Variants in DENND5A observed in about 807,000 individuals in gnomAD.
DENND5A encodes the protein DENN domain-containing protein 5A.
DENND5A carries 64 observed loss-of-function variants against 140.3 expected under a neutral mutation model. The ratio of observed to expected loss-of-function variants is 0.46; its 90% confidence interval spans 0.37 to 0.56. DENND5A has a LOEUF of 0.56. Ranked by LOEUF, DENND5A falls within the 20% of genes least tolerant of loss-of-function variation. The pLI is 0.00. For missense variants in DENND5A, 1,292 were observed against 1,593.8 expected, an observed-to-expected ratio of 0.81 and a Z score of 3.22; for synonymous variants, 605 against 607.7, an observed-to-expected ratio of 1.00 and a Z score of 0.07.
At position 9,186,328 on chromosome 11, in the gene DENND5A, C is replaced by T. The variant is rs190700235; in HGVS notation, c.1138-5244G>A. 2.1e-3 allele frequency among the ~76,000 whole-genome samples: 321 copies of T among 152,302 alleles called. 1 individual carries two copies. The highest frequency in any genetic ancestry group is 3.7e-3 in the Non-Finnish European group (254 of 68,032). The stretch of plus-strand genomic sequence containing the variant: ...ATTTTAAAATTATGTCATCAGGCTG[C>T]GCCATTAGAAGAGATAAAGACAGAA... On this transcript the variant is annotated intron_variant, in intron 5 of 22. Transcript: ENST00000328194.
chr11:9,250,944 G>A (rs1213435064), intron 1 of DENND5A, among the ~76,000 whole-genome samples: 2 of 151,972 alleles, frequency 1.3e-5, no homozygotes, highest in African/African-American at 2.4e-5. Flanking sequence ...GGCCAGCCCC[G>A]ACCAACATGG....
chr11:9,227,087 G>C (rs1344574227), intron 1 of DENND5A, among the ~76,000 whole-genome samples: 1 of 151,990 alleles, frequency 6.6e-6, no homozygotes, highest in East Asian at 1.9e-4. Flanking sequence ...AGAATCGCTT[G>C]AACCCGGGAG....
chr11:9,238,347 ATG>A (rs200720856), intron 1 of DENND5A, among the ~76,000 whole-genome samples: 2 of 104,756 alleles, frequency 1.9e-5, no homozygotes, highest in Non-Finnish European at 4.0e-5. Context: ...GATTAAATGC[ATG>A]TGTGTGTGTG....
At chr11:9,161,302 C>G (rs1255283126) in intron 11 of DENND5A, among the ~76,000 whole-genome samples, 6 of 151,948 alleles carry the variant, frequency 3.9e-5, no homozygotes, top group Admixed American at 2.0e-4. Flanking sequence ...AAGCTGAGAT[C>G]GCGCCACTGC....
chr11:9,249,095 G>A (rs974841428), intron 1 of DENND5A, among the ~76,000 whole-genome samples: 5 of 152,036 alleles, frequency 3.3e-5, no homozygotes, highest in African/African-American at 9.7e-5. Flanking sequence ...GGGCGTGGTG[G>A]TGGGCGCCTG....
At chr11:9,225,489 G>A (rs1018978951) in intron 1 of DENND5A, among the ~76,000 whole-genome samples, 1 of 152,154 alleles carries the variant, frequency 6.6e-6, no homozygotes, top group Admixed American at 6.5e-5. Flanking sequence ...GGGCGGGCAC[G>A]GTGGCTCACG....
At chr11:9,230,156 G>GT (rs970780304) in intron 1 of DENND5A, among the ~76,000 whole-genome samples, 2 of 148,610 alleles carry the variant, frequency 1.3e-5, no homozygotes, top group East Asian at 4.0e-4. Flanking sequence ...TGATCCACCC[G>GT]TGTCAGCCTC....
chr11:9,141,828 C>T (rs1847251100), intron 22 of DENND5A, 112 bp downstream of exon 22: 2 of 1,006,392 alleles, frequency 2.0e-6, no homozygotes. Context: ...TCTAAGGCCT[C>T]ATCTCCCTAA....
intron 1 of DENND5A, among the ~76,000 whole-genome samples, chr11:9,210,015 G>A (rs1165262073): frequency 6.6e-6 from 1 of 152,020 alleles, no homozygotes; most frequent in Non-Finnish European, 1.5e-5. Flanking sequence ...GCTGAGGCAG[G>A]AGAATCACTT....
At chr11:9,228,313 G>A (rs57906162) in intron 1 of DENND5A, among the ~76,000 whole-genome samples, 1 of 152,058 alleles carries the variant, frequency 6.6e-6, no homozygotes, top group African/African-American at 2.4e-5. Flanking sequence ...CTGGTCACCA[G>A]AAAGACCAAG....
intron 5 of DENND5A, among the ~76,000 whole-genome samples, chr11:9,192,474 A>G (rs1337061205): frequency 6.6e-6 from 1 of 152,124 alleles, no homozygotes; most frequent in African/African-American, 2.4e-5. Context: ...TAAAAATACA[A>G]AAATTTAGCC....
chr11:9,173,348 C>T (rs1214145000), intron 8 of DENND5A, among the ~76,000 whole-genome samples: 1 of 152,164 alleles, frequency 6.6e-6, no homozygotes, highest in East Asian at 1.9e-4. Context: ...ATGCTAACTA[C>T]ACAGTTAATG....
intron 1 of DENND5A, among the ~76,000 whole-genome samples, chr11:9,224,255 G>A (rs1850442651): frequency 6.6e-6 from 1 of 152,112 alleles, no homozygotes; most frequent in African/African-American, 2.4e-5. Flanking sequence ...GGAAGAAGGA[G>A]AGAACTCTTG....
chr11:9,170,453 T>C (rs1383157130), intron 9 of DENND5A, among the ~76,000 whole-genome samples, 174 bp downstream of exon 9: 1 of 152,148 alleles, frequency 6.6e-6, no homozygotes, highest in Non-Finnish European at 1.5e-5. Context: ...CTGAAAGATA[T>C]TCTGTCACAT....
chr11:9,248,291 G>A (rs147752838), intron 1 of DENND5A, among the ~76,000 whole-genome samples: 99 of 152,094 alleles, frequency 6.5e-4, no homozygotes, highest in East Asian at 3.5e-3. Flanking sequence ...CTGGAATTTC[G>A]TATCTTATTG....
chr11:9,181,104 G>A lies in DENND5A; in HGVS notation c.1138-20C>T, dbSNP rs963215289. 3.1e-6 allele frequency: 5 copies of A among 1,603,304 alleles called. No individual in the cohort carries two copies. Among genetic ancestry groups the A allele is most frequent in the South Asian group, 1.1e-5 (1 of 89,396 alleles). ...GTTAGCCTGGAAGTCAAAACAGGAT[G>A]AGGAGTATGAATAACTCCAGAGCAT... On this transcript the variant is annotated intron_variant, in intron 5 of 22. Coordinates refer to ENST00000328194, the MANE Select transcript of DENND5A (RefSeq NM_015213.4).
At chr11:9,185,496 C>T (rs1434396640) in intron 5 of DENND5A, among the ~76,000 whole-genome samples, 2 of 152,082 alleles carry the variant, frequency 1.3e-5, no homozygotes, top group Admixed American at 1.3e-4. Context: ...CTGTTTCTCC[C>T]TATGCCAACA....
At chr11:9,264,544 G>A (rs1852357198) in intron 1 of DENND5A, among the ~76,000 whole-genome samples, 1 of 152,110 alleles carries the variant, frequency 6.6e-6, no homozygotes, top group Non-Finnish European at 1.5e-5. Flanking sequence ...CTTGGGAAGT[G>A]GCCAGATAAA....
intron 1 of DENND5A, among the ~76,000 whole-genome samples, chr11:9,229,177 C>T (rs1404885662): frequency 3.3e-5 from 5 of 152,104 alleles, no homozygotes; most frequent in African/African-American, 9.7e-5. Flanking sequence ...TTGCAGGACA[C>T]CCAGCTGGTA....
Sources: allele counts gnomAD v4.1 joint callset (sites outside exome capture counted in the v4.1 genomes callset), GRCh38; gene constraint gnomAD v4.1.1; transcripts MANE v1.5; gene names NCBI Gene and HGNC (gene_info 2026-07-23, HGNC 2026-07-21).